STAG3: variants seen among roughly 807,000 people sequenced by gnomAD.
STAG3 encodes STAG3 cohesin complex component.
STAG3 carries 101 observed loss-of-function variants against 160.7 expected under a neutral mutation model. The ratio of observed to expected loss-of-function variants is 0.63; its 90% CI spans 0.54 to 0.74. The LOEUF (loss-of-function observed/expected upper bound fraction) is 0.74, where lower values mean the gene tolerates loss of function less well. Ranked by LOEUF, STAG3 falls within the 30% of genes least tolerant of loss-of-function variation. STAG3 has a pLI of 0.00. For synonymous variants in STAG3, 519 were observed against 585.0 expected (o/e 0.89, Z 1.63); for missense variants, 1,188 against 1,517.4 (o/e 0.78, Z 3.61).
chr7:100,211,138 G>A lies in STAG3; in HGVS notation c.3366G>A (p.Leu1122=). 1 of 1,564,662 alleles carries A rather than the reference G, an allele frequency of 6.4e-7. No homozygotes were observed. The highest frequency in any genetic ancestry group is 1.4e-5 in the African/African-American group (1 of 73,320). Residue 1122 remains leucine (L), a synonymous_variant, in exon 30 of 34, where the codon TTG becomes TTA. Transcript: ENST00000615138. ...AGAGCAGGCAGCCCCTGTGGGGGTTGAAAGAGATGGAGGAAGAAGATGGCT... is the reference window on the plus strand; with the variant it reads ...AGAGCAGGCAGCCCCTGTGGGGGTTAAAAGAGATGGAGGAAGAAGATGGCT... The part of the protein sequence containing the change: ...AVKSRQPLWG[L]KEMEEEDGSE...
At position 100,213,990 on chromosome 7, in the gene STAG3, C is replaced by A. The variant is rs1328482825; in HGVS notation, c.3673-17C>A. On this transcript the variant is annotated splice_polypyrimidine_tract_variant and intron_variant, in intron 33 of 33. Transcript: ENST00000615138. Reference sequence around the variant, plus strand: ...GTTGCTGTGTCCTGTGTATTCCTTTCATCTTTCTCATTATAGGATTTCTGA... The same window carrying A: ...GTTGCTGTGTCCTGTGTATTCCTTTAATCTTTCTCATTATAGGATTTCTGA... 1.2e-6 allele frequency: 2 copies of A among 1,614,108 alleles called. No individual in the cohort carries two copies. The highest frequency in any genetic ancestry group is 1.7e-6 in the Non-Finnish European group (2 of 1,180,034).
chr7:100,200,617 T>A, intron 18 of STAG3, 75 bp downstream of exon 18: 1 of 1,560,638 alleles, frequency 6.4e-7, no homozygotes, highest in East Asian at 2.3e-5. Context: ...TATCTTTTTT[T>A]CCTAAGAACT....
chr7:100,205,421 G>A (rs1442284610), intron 29 of STAG3, 37 bp downstream of exon 29: 1 of 1,554,086 alleles, frequency 6.4e-7, no homozygotes, highest in South Asian at 1.2e-5. Flanking sequence ...GTGCCCAGCA[G>A]GTGGTCGTTG....
chr7:100,213,872 T>C (rs1309766292), intron 33 of STAG3, 66 bp downstream of exon 33: 2 of 1,613,512 alleles, frequency 1.2e-6, no homozygotes, highest in Non-Finnish European at 1.7e-6. Flanking sequence ...CGTGCACTCA[T>C]CAAATTGACA....
chr7:100,185,460 G>A (rs1404018539), intron 4 of STAG3, among the ~76,000 whole-genome samples: 1 of 151,976 alleles, frequency 6.6e-6, no homozygotes, highest in African/African-American at 2.4e-5. Flanking sequence ...CCATTAGCCA[G>A]GCGTGGTGGC....
intron 21 of STAG3, 131 bp downstream of exon 21, chr7:100,201,482 G>T (rs994394747): frequency 2.6e-6 from 2 of 762,806 alleles, no homozygotes; most frequent in South Asian, 3.3e-5. Flanking sequence ...CAGGTGGGTG[G>T]GGGTCACCTC....
chr7:100,212,924 CT>C (rs1802388487), intron 32 of STAG3: 1 of 152,882 alleles, frequency 6.5e-6, no homozygotes, highest in African/African-American at 2.4e-5. Context: ...TAAAATGGAC[CT>C]TTTACATAAA....
intron 5 of STAG3, among the ~76,000 whole-genome samples, chr7:100,186,812 A>C (rs1269166654): frequency 6.6e-6 from 1 of 152,210 alleles, no homozygotes; most frequent in East Asian, 1.9e-4. Context: ...AATCACGCTT[A>C]TGTTATGGCA....
In STAG3 at chr7:100,200,556, T is replaced by C. The variant is rs1801036537; in HGVS notation, c.1860+14T>C. 6.2e-7 allele frequency: 1 copy of C among 1,613,210 alleles called. No individual in the cohort carries two copies. The highest frequency in any genetic ancestry group is 8.5e-7 in the Non-Finnish European group (1 of 1,179,636). Reference sequence around the variant, plus strand: ...CGCTTGGAGAAGGTAGGGAGATAGATTTCCTATACCTTGCTGCTTGCCTGC... The same window carrying C: ...CGCTTGGAGAAGGTAGGGAGATAGACTTCCTATACCTTGCTGCTTGCCTGC... On this transcript the variant is annotated intron_variant, in intron 18 of 33. Coordinates refer to ENST00000615138, the MANE Select transcript of STAG3 (RefSeq NM_001282717.2).
At chr7:100,198,027 G>T in intron 11 of STAG3, 60 bp from the exon 12 acceptor site, 1 of 1,589,030 alleles carries the variant, frequency 6.3e-7, no homozygotes, top group South Asian at 1.1e-5. Flanking sequence ...CTGATTCTAA[G>T]AGAACAGAAT....
chr7:100,188,411 T>G (rs1800159600), intron 5 of STAG3, 42 bp from the exon 6 acceptor site: 2 of 1,271,066 alleles, frequency 1.6e-6, no homozygotes, highest in Non-Finnish European at 2.3e-6. Context: ...CAAAGCATCC[T>G]GTTATTTTCC....
At chr7:100,210,959 C>A in intron 29 of STAG3, 52 bp from the exon 30 acceptor site, 1 of 1,564,394 alleles carries the variant, frequency 6.4e-7, no homozygotes, top group South Asian at 1.2e-5. Flanking sequence ...GGAAAGAGAG[C>A]ACACCTGTCG....
At chr7:100,181,636 T>C (rs3779045) in intron 2 of STAG3, 47,197 of 152,738 alleles carry the variant, frequency 0.31, 7,993 homozygotes, top group East Asian at 0.63. Flanking sequence ...ATTGCTTTCA[T>C]GTGAAAGTTT....
chr7:100,200,107 A>T, intron 16 of STAG3, 129 bp from the exon 17 acceptor site: 1 of 611,264 alleles, frequency 1.6e-6, no homozygotes, highest in Admixed American at 3.1e-5. Flanking sequence ...AGAAAAAAGA[A>T]ATCTCGTGGG....
At chr7:100,178,114 A>G (rs899728808) in intron 1 of STAG3, 109 bp downstream of exon 1, 6 of 99,810 alleles carry the variant, frequency 6.0e-5, no homozygotes. Flanking sequence ...CGGCCCTGAC[A>G]CTAGGAGCCT....
intron 4 of STAG3, among the ~76,000 whole-genome samples, chr7:100,184,377 T>C (rs1799846369): frequency 6.6e-6 from 1 of 152,026 alleles, no homozygotes; most frequent in South Asian, 2.1e-4. Flanking sequence ...TTGCCTTCCT[T>C]TGGATTTCTT....
chr7:100,190,955 C>T (rs1339677721), intron 8 of STAG3, among the ~76,000 whole-genome samples: 1 of 152,062 alleles, frequency 6.6e-6, no homozygotes, highest in African/African-American at 2.4e-5. Flanking sequence ...GGTACTTCAG[C>T]CCTAAAGACT....
chr7:100,206,810 G>A (rs1801697045), intron 29 of STAG3, among the ~76,000 whole-genome samples: 1 of 152,088 alleles, frequency 6.6e-6, no homozygotes, highest in African/African-American at 2.4e-5. Flanking sequence ...CATATTCACT[G>A]AATTGTACAA....
intron 13 of STAG3, 78 bp from the exon 14 acceptor site, chr7:100,198,752 TCATCTCCTTGGGC>T: frequency 7.6e-7 from 1 of 1,307,726 alleles, no homozygotes; most frequent in East Asian, 2.3e-5. Context: ...TTTTCCTTTA[TCATCTCCTTGGGC>T]CATCTCCTCC....
Sources: allele counts gnomAD v4.1 joint callset (sites outside exome capture counted in the v4.1 genomes callset), GRCh38; gene constraint gnomAD v4.1.1; transcripts MANE v1.5; gene names NCBI Gene and HGNC (gene_info 2026-07-23, HGNC 2026-07-21).